The following AHCYL2 variants were observed in gnomAD, a reference collection of about 807,000 sequenced individuals.
AHCYL2 encodes the protein adenosylhomocysteinase like 2.
In AHCYL2, 28 loss-of-function variants were observed where a neutral mutation model predicts 81.4. That is an observed-to-expected ratio of 0.34 (90% CI 0.25 to 0.47). The LOEUF (loss-of-function observed/expected upper bound fraction) is 0.47, where lower values mean the gene tolerates loss of function less well. Ranked by LOEUF, AHCYL2 falls within the 20% of genes least tolerant of loss-of-function variation. The pLI, the probability that AHCYL2 is intolerant of heterozygous loss-of-function variation, is 1.00. For missense variants in AHCYL2, 551 were observed against 785.1 expected (o/e 0.70, Z 3.56); for synonymous variants, 272 against 290.2 (o/e 0.94, Z 0.64).
At chr7:129,235,358 C>T (rs969152892) in intron 1 of AHCYL2, among the ~76,000 whole-genome samples, 3 of 151,972 alleles carry the variant, frequency 2.0e-5, no homozygotes, top group African/African-American at 7.3e-5. Context: ...GAGGCTTCCA[C>T]CTCTGAACCT....
Position 129,329,320 on chromosome 7 carries a change from C to T in AHCYL2, c.364-50318C>T, listed in dbSNP as rs1381471993. Reference sequence around the variant, plus strand: ...TCAGCCTCTCAAGGAGCTAGGACTACAGGGCAAGTGCCACCATGCCTGGCT... The same window carrying T: ...TCAGCCTCTCAAGGAGCTAGGACTATAGGGCAAGTGCCACCATGCCTGGCT... On this transcript the variant is annotated intron_variant, in intron 1 of 16. Coordinates refer to ENST00000325006, the MANE Select transcript of AHCYL2 (RefSeq NM_015328.4). Among the ~76,000 whole-genome samples the T allele has an allele frequency of 2.0e-5, 3 of 152,126 alleles. 1 individual carries two copies. Among genetic ancestry groups the T allele is most frequent in the Non-Finnish European group, 4.4e-5 (3 of 68,010 alleles).
intron 1 of AHCYL2, among the ~76,000 whole-genome samples, chr7:129,313,429 T>C (rs1797728263): frequency 6.6e-6 from 1 of 152,174 alleles, no homozygotes; most frequent in Non-Finnish European, 1.5e-5. Context: ...TGGCCGTGAG[T>C]GTGGTTCATG....
intron 5 of AHCYL2, among the ~76,000 whole-genome samples, chr7:129,399,954 A>AACCTCAGGTGATCCACCC (rs1236440369): frequency 6.6e-6 from 1 of 151,982 alleles, no homozygotes; most frequent in Non-Finnish European, 1.5e-5. Context: ...TTGAACTCCT[A>AACCTCAGGTGATCCACCC]ACCTCAGGTG....
intron 1 of AHCYL2, among the ~76,000 whole-genome samples, chr7:129,237,933 G>A (rs1794698791): frequency 6.6e-6 from 1 of 152,014 alleles, no homozygotes. Context: ...TCTTGGCCAG[G>A]CTGGTCTTGA....
chr7:129,226,127 G>T (rs567542998), intron 1 of AHCYL2, among the ~76,000 whole-genome samples: 1 of 152,244 alleles, frequency 6.6e-6, no homozygotes, highest in Admixed American at 6.5e-5. Context: ...TGTATGAAGA[G>T]AATGAATGTC....
At chr7:129,350,715 T>TTTC (rs1793530128) in intron 1 of AHCYL2, among the ~76,000 whole-genome samples, 1 of 23,286 alleles carries the variant, frequency 4.3e-5, no homozygotes, top group Non-Finnish European at 1.1e-4. Context: ...TCTTTCTTTC[T>TTTC]TTTTTTTTTT....
At position 129,299,369 on chromosome 7, in the gene AHCYL2, G is replaced by GTTTTTTTTTTTTTT. The variant is rs71162592; in HGVS notation, c.363+73959_363+73972dup. 2.8e-4 allele frequency among the ~76,000 whole-genome samples: 13 copies of GTTTTTTTTTTTTTT among 46,306 alleles called. 2 individuals are homozygous for GTTTTTTTTTTTTTT. Among genetic ancestry groups the GTTTTTTTTTTTTTT allele is most frequent in the Admixed American group, 3.5e-4 (1 of 2,820 alleles). The allele number at this position is 46,306 out of a possible 152,430, so 30.4% of individuals were successfully genotyped here. On this transcript the variant is annotated intron_variant, in intron 1 of 16. Coordinates refer to ENST00000325006, the MANE Select transcript of AHCYL2 (RefSeq NM_015328.4). The stretch of plus-strand genomic sequence containing the variant: ...AGGCTGAGGTGGGAGAGTCCAACTT[G>GTTTTTTTTTTTTTT]TTTTTTTTTTTTTTTTTTTTTTTTT...
At chr7:129,273,321 C>CT (rs35236990) in intron 1 of AHCYL2, among the ~76,000 whole-genome samples, 16,161 of 75,798 alleles carry the variant, frequency 0.21, 3,457 homozygotes, top group South Asian at 0.29. Flanking sequence ...TTTGCTAAGA[C>CT]TTTTTTTTTT....
chr7:129,421,278 G>A (rs1207062870), intron 12 of AHCYL2, among the ~76,000 whole-genome samples: 4 of 151,764 alleles, frequency 2.6e-5, no homozygotes, highest in Non-Finnish European at 1.5e-5. Context: ...ATAGTGAATG[G>A]TTTTCACGTT....
At chr7:129,338,836 A>G (rs1353525963) in intron 1 of AHCYL2, among the ~76,000 whole-genome samples, 1 of 152,192 alleles carries the variant, frequency 6.6e-6, no homozygotes, top group Non-Finnish European at 1.5e-5. Context: ...TTTTGATTTT[A>G]ATGTAGTTTA....
At chr7:129,316,148 A>G (rs1315307089) in intron 1 of AHCYL2, among the ~76,000 whole-genome samples, 2 of 152,224 alleles carry the variant, frequency 1.3e-5, no homozygotes, top group African/African-American at 4.8e-5. Flanking sequence ...GCAAGAGCCC[A>G]CCGGGAGTAT....
chr7:129,368,643 C>G lies in AHCYL2; in HGVS notation c.364-10995C>G. The G allele has an allele frequency of 6.8e-7, 1 of 1,473,754 alleles. No homozygotes were observed. Among genetic ancestry groups the G allele is most frequent in the South Asian group, 1.1e-5 (1 of 87,486 alleles). The allele number at this position is 1,473,754 out of a possible 1,614,324, so 91.3% of individuals were successfully genotyped here. A position where few individuals can be genotyped will look rare whatever the true frequency, so the allele number is the denominator to read the frequency against. On this transcript the variant is annotated intron_variant, in intron 1 of 16. Coordinates refer to ENST00000325006, the MANE Select transcript of AHCYL2 (RefSeq NM_015328.4). This position sits in a 1 kb window ranked among gnomAD's most constrained non-coding sequence, Gnocchi z 4.4. The stretch of plus-strand genomic sequence containing the variant: ...GGTGACAAGGATCACCTCTGAGAAG[C>G]TCCTACCAAGATCCGTGGTTGGAAA...
intron 1 of AHCYL2, among the ~76,000 whole-genome samples, chr7:129,313,709 AT>A (rs1797737924): frequency 6.6e-6 from 1 of 152,206 alleles, no homozygotes; most frequent in African/African-American, 2.4e-5. Flanking sequence ...AATAGACACA[AT>A]GAAAAAAATA....
chr7:129,385,950 G>T (rs1795180864), intron 2 of AHCYL2, among the ~76,000 whole-genome samples: 1 of 152,110 alleles, frequency 6.6e-6, no homozygotes, highest in African/African-American at 2.4e-5. Context: ...TTACTCTGTG[G>T]CAGAAATGAG....
At chr7:129,269,478 G>A (rs1795928979) in intron 1 of AHCYL2, among the ~76,000 whole-genome samples, 1 of 151,912 alleles carries the variant, frequency 6.6e-6, no homozygotes, top group African/African-American at 2.4e-5. Context: ...GAGTAGAGAT[G>A]GGGTTTCACC....
intron 1 of AHCYL2, among the ~76,000 whole-genome samples, chr7:129,278,016 G>A (rs1161720547): frequency 1.3e-5 from 2 of 152,124 alleles, no homozygotes; most frequent in Non-Finnish European, 2.9e-5. Context: ...TTTCCAAAGA[G>A]GTTTTGCCGT....
Position 129,375,599 on chromosome 7 carries a change from T to C in AHCYL2, c.364-4039T>C, listed in dbSNP as rs78920840. On this transcript the variant is annotated intron_variant, in intron 1 of 16. Coordinates refer to ENST00000325006, the MANE Select transcript of AHCYL2 (RefSeq NM_015328.4). ...TCAGAGGATCCATGTAATTAGGTGT[T>C]TAGGAAAAAAACAAGTAAAAGCAAA... 3.0e-3 allele frequency: 3,911 copies of C among 1,306,372 alleles called. 6 individuals are homozygous for C. The highest frequency in any genetic ancestry group is 3.5e-3 in the Non-Finnish European group (3,616 of 1,028,102). 80.9% of individuals were successfully genotyped at this position (1,306,372 alleles called of 1,614,324 possible). A position where few individuals can be genotyped will look rare whatever the true frequency, so the allele number is the denominator to read the frequency against.
chr7:129,259,181 A>G (rs902483110), intron 1 of AHCYL2, among the ~76,000 whole-genome samples: 2 of 152,148 alleles, frequency 1.3e-5, no homozygotes. Context: ...TCTCTGATAA[A>G]CAAAGAAGGC....
intron 1 of AHCYL2, among the ~76,000 whole-genome samples, chr7:129,233,253 C>T (rs1584685095): frequency 6.6e-6 from 1 of 152,076 alleles, no homozygotes; most frequent in East Asian, 1.9e-4. Flanking sequence ...GGTACAGTCA[C>T]AGCTCACTGT....
Sources: gnomAD v4.1 joint callset for allele counts (sites outside exome capture counted in the v4.1 genomes callset) on GRCh38, gnomAD v4.1.1 for gene constraint, Gnocchi (gnomAD v3.1) non-coding constraint, MANE v1.5 for transcripts, NCBI Gene and HGNC (gene_info 2026-07-23, HGNC 2026-07-21) for gene names.